CIAO1: variants seen among roughly 807,000 people sequenced by gnomAD.
The protein encoded by CIAO1 is probable cytosolic iron-sulfur protein assembly protein CIAO1.
Under a neutral mutation model 43.1 loss-of-function variants are expected in CIAO1, and 32 were observed. The ratio of observed to expected loss-of-function variants is 0.74; its 90% CI spans 0.56 to 1.00. The LOEUF is 1.00. Ranked by LOEUF, CIAO1 falls within the 50% of genes least tolerant of loss-of-function variation. CIAO1 has a pLI of 0.00. For missense variants in CIAO1, 415 were observed against 437.4 expected (o/e 0.95, Z 0.46); for synonymous variants, 183 against 171.4 (o/e 1.07, Z -0.53).
intron 4 of CIAO1, 89 bp downstream of exon 4, chr2:96,268,013 T>C: frequency 9.3e-7 from 1 of 1,070,694 alleles, no homozygotes; most frequent in Non-Finnish European, 1.4e-6. Flanking sequence ...TTAATCTAGC[T>C]TTTACGGAGA....
chr2:96,266,481 G>T lies in CIAO1; in HGVS notation c.131G>T (p.Gly44Val). ...GGCGACCGGAGAATCCGCATCTGGG[G>T]CACGGAGGGTAAGGCCCAGCCTGGT... ...CGGDRRIRIW[G>V]TEGDSWICKS... The change falls in exon 1 of 7, where the codon GGC becomes GTC. Residue 44 changes from glycine to valine, a missense_variant. Coordinates refer to ENST00000488633, the MANE Select transcript of CIAO1 (RefSeq NM_004804.3). 1 of 1,541,828 alleles carries T rather than the reference G, an allele frequency of 6.5e-7. No individual in the cohort carries two copies. Among genetic ancestry groups the T allele is most frequent in the Non-Finnish European group, 8.8e-7 (1 of 1,137,054 alleles).
chr2:96,269,671 A>G (rs1456221785), intron 6 of CIAO1, among the ~76,000 whole-genome samples: 1 of 151,938 alleles, frequency 6.6e-6, no homozygotes, highest in Non-Finnish European at 1.5e-5. Flanking sequence ...TTTTTGAGAC[A>G]GAGTCTCACT....
Position 96,273,137 on chromosome 2 carries a change from C to T in CIAO1, c.*1786C>T, listed in dbSNP as rs796943971. ...TTGGAATTTCCGAAAATCTGTACTCCACCATGAGCTTTATTGTTGGGGATA... is the reference window on the plus strand; with the variant it reads ...TTGGAATTTCCGAAAATCTGTACTCTACCATGAGCTTTATTGTTGGGGATA... On this transcript the variant is annotated 3_prime_UTR_variant, in exon 7 of 7. Coordinates refer to ENST00000488633, the MANE Select transcript of CIAO1 (RefSeq NM_004804.3). 2.6e-5 allele frequency: 4 copies of T among 152,280 alleles called. No homozygotes were observed. Among genetic ancestry groups the T allele is most frequent in the African/African-American group, 9.6e-5 (4 of 41,560 alleles). 9.4% of individuals were successfully genotyped at this position (152,280 alleles called of 1,614,324 possible).
chr2:96,269,726 C>T (rs1277609206), intron 6 of CIAO1, among the ~76,000 whole-genome samples: 1 of 152,214 alleles, frequency 6.6e-6, no homozygotes, highest in Non-Finnish European at 1.5e-5. Context: ...CATCTCACTG[C>T]AAGCTCCGTC....
intron 1 of CIAO1, 150 bp from the exon 2 acceptor site, chr2:96,267,171 G>A: frequency 4.1e-6 from 1 of 241,528 alleles, no homozygotes; most frequent in South Asian, 7.2e-5. Flanking sequence ...GCTTCCAGAC[G>A]AAGTAGATTC....
intron 4 of CIAO1, 70 bp downstream of exon 4, chr2:96,267,994 T>C: frequency 7.9e-7 from 1 of 1,266,886 alleles, no homozygotes; most frequent in Middle Eastern, 1.9e-4. Flanking sequence ...CTTCCTCTGC[T>C]TTTCAGCCTT....
In CIAO1 at chr2:96,266,306, T is replaced by G; in HGVS notation, c.-45T>G. 1 of 1,355,426 alleles carries G rather than the reference T, an allele frequency of 7.4e-7. No homozygotes were observed. Among genetic ancestry groups the G allele is most frequent in the South Asian group, 1.7e-5 (1 of 59,914 alleles). 84.0% of individuals were successfully genotyped at this position (1,355,426 alleles called of 1,614,324 possible). A position where few individuals can be genotyped will look rare whatever the true frequency, so the allele number is the denominator to read the frequency against. On this transcript the variant is annotated 5_prime_UTR_variant, in exon 1 of 7. Transcript: ENST00000488633. ...GCGCGCGGTGAGACCCGCTGTCTGCTCAGCGGACTCTGCCCGCCCCCACCT... is the reference window on the plus strand; with the variant it reads ...GCGCGCGGTGAGACCCGCTGTCTGCGCAGCGGACTCTGCCCGCCCCCACCT...
intron 6 of CIAO1, among the ~76,000 whole-genome samples, chr2:96,270,074 CAG>C (rs1245140083): frequency 7.2e-5 from 11 of 152,256 alleles, no homozygotes; most frequent in East Asian, 3.9e-4. Context: ...AAATCCAAAA[CAG>C]TGAAAAAAAC....
In CIAO1 at chr2:96,274,076, A is replaced by AAAG; in HGVS notation, c.*2726_*2728dup. Among the ~76,000 whole-genome samples the AAAG allele has an allele frequency of 6.6e-6, 1 of 152,040 alleles. No homozygotes were observed. The highest frequency in any genetic ancestry group is 1.5e-5 in the Non-Finnish European group (1 of 68,022). ...AAAAAAATGTTAACATTATGATTTA[A>AAAG]AAGTGCATTAACCTTAATCTAGATA... On this transcript the variant is annotated 3_prime_UTR_variant, in exon 7 of 7. Coordinates refer to ENST00000488633, the MANE Select transcript of CIAO1 (RefSeq NM_004804.3).
intron 1 of CIAO1, 76 bp downstream of exon 1, chr2:96,266,565 G>A (rs539439227): frequency 3.1e-6 from 4 of 1,292,098 alleles, no homozygotes; most frequent in African/African-American, 3.0e-5. Flanking sequence ...TCAGCCTGCA[G>A]GGGAGGCTGA....
chr2:96,269,418 C>A, intron 6 of CIAO1, 63 bp downstream of exon 6: 1 of 1,464,392 alleles, frequency 6.8e-7, no homozygotes, highest in Non-Finnish European at 9.6e-7. Flanking sequence ...AGAAGGCATA[C>A]CCTATGCAGT....
rs1684552626 is a variant in CIAO1 at position 96,271,662 on chromosome 2, ATG to A, written c.*315_*316del. ...ATCACTATATATAGTAGGAGGGGGTATGTGTCTCAGGCTTTTCTGAAGTTGCA... is the reference window on the plus strand; with the variant it reads ...ATCACTATATATAGTAGGAGGGGGTATGTCTCAGGCTTTTCTGAAGTTGCA... On this transcript the variant is annotated 3_prime_UTR_variant, in exon 7 of 7. Transcript: ENST00000488633. 9.0e-6 allele frequency: 2 copies of A among 221,972 alleles called. No individual in the cohort carries two copies. The highest frequency in any genetic ancestry group is 1.8e-5 in the Non-Finnish European group (2 of 111,664). 13.8% of individuals were successfully genotyped at this position (221,972 alleles called of 1,614,324 possible).
rs1008467906 is a variant in CIAO1 at position 96,272,897 on chromosome 2, A to C, written c.*1546A>C. ...ATAAAGCCCCTCTGCTGTGCACTGA[A>C]GTATGGGTGCCTTGAGGAAAAGCAG... On this transcript the variant is annotated 3_prime_UTR_variant, in exon 7 of 7. Transcript: ENST00000488633. 6.6e-6 allele frequency: 1 copy of C among 152,248 alleles called. No homozygotes were observed. Among genetic ancestry groups the C allele is most frequent in the African/African-American group, 2.4e-5 (1 of 41,460 alleles). 9.4% of individuals were successfully genotyped at this position (152,248 alleles called of 1,614,324 possible).
intron 5 of CIAO1, chr2:96,269,006 G>C (rs1684491866): frequency 1.7e-6 from 1 of 581,930 alleles, no homozygotes; most frequent in Non-Finnish European, 3.1e-6. Flanking sequence ...AAGTGGGTTG[G>C]GTCGGCTGGT....
Position 96,268,787 on chromosome 2 carries a change from G to T in CIAO1, c.691+129G>T, listed in dbSNP as rs1356326700. ...GTGCTACAAGAGGGCTCTGGATAGAGTGCTGGAAGAATCAGGAAAGTTTTG... is the reference window on the plus strand; with the variant it reads ...GTGCTACAAGAGGGCTCTGGATAGATTGCTGGAAGAATCAGGAAAGTTTTG... On this transcript the variant is annotated intron_variant, in intron 5 of 6. Coordinates refer to ENST00000488633, the MANE Select transcript of CIAO1 (RefSeq NM_004804.3). 6 of 871,308 alleles carry T rather than the reference G, an allele frequency of 6.9e-6. No homozygotes were observed. The African/African-American group carries it at 8.4e-5, about 12-fold the overall frequency. The allele number at this position is 871,308 out of a possible 1,614,324, so 54.0% of individuals were successfully genotyped here.
At position 96,272,000 on chromosome 2, in the gene CIAO1, A is replaced by G. The variant is rs1463966854; in HGVS notation, c.*649A>G. The G allele has an allele frequency of 6.6e-6, 1 of 152,326 alleles. No homozygotes were observed. Among genetic ancestry groups the G allele is most frequent in the African/African-American group, 2.4e-5 (1 of 41,448 alleles). 9.4% of individuals were successfully genotyped at this position (152,326 alleles called of 1,614,324 possible). A position where few individuals can be genotyped will look rare whatever the true frequency, so the allele number is the denominator to read the frequency against. ...AAAAGGGAGAGTTATTACTGGCCAC[A>G]AGCCCTGTATTCTCAACAGGGATGC... On this transcript the variant is annotated 3_prime_UTR_variant, in exon 7 of 7. Transcript: ENST00000488633.
rs1010421942 is a variant in CIAO1 at position 96,267,819 on chromosome 2, CTTT to C, written c.401-14_401-12del. On this transcript the variant is annotated splice_polypyrimidine_tract_variant and intron_variant, in intron 3 of 6. Transcript: ENST00000488633. Reference sequence around the variant, plus strand: ...CTGACAGGGTCGGCTCTTGGGTCCCCTTTTTCTCTCCCACAGTTGATGAAGAGG... The same window carrying C: ...CTGACAGGGTCGGCTCTTGGGTCCCCTTCTCTCCCACAGTTGATGAAGAGG... 1.9e-6 allele frequency: 3 copies of C among 1,613,840 alleles called. No homozygotes were observed. The highest frequency in any genetic ancestry group is 2.7e-5 in the African/African-American group (2 of 75,030).
In CIAO1 at chr2:96,269,187, G is replaced by T. The variant is rs564833731; in HGVS notation, c.692-81G>T. 193 of 1,164,596 alleles carry T rather than the reference G, an allele frequency of 1.7e-4. 5 individuals are homozygous for T. The South Asian group carries it at 2.2e-3, about 13-fold the overall frequency. The allele number at this position is 1,164,596 out of a possible 1,614,324, so 72.1% of individuals were successfully genotyped here. On this transcript the variant is annotated intron_variant, in intron 5 of 6. Transcript: ENST00000488633. ...GACTCATAATCAGTTGAAGATGAGG[G>T]TGAGGGAAGGTAAGTTAGGTTCTCC...
At chr2:96,267,134 CAAAAAAAAAAAAAA>C (rs1183454827) in intron 1 of CIAO1, among the ~76,000 whole-genome samples, 173 bp from the exon 2 acceptor site, 7 of 36,804 alleles carry the variant, frequency 1.9e-4, no homozygotes, top group African/African-American at 9.0e-4. Context: ...AACTCCGTCT[CAAAAAAAAAAAAAA>C]AAAAAAAAAA....
Sources: gnomAD v4.1 joint callset for allele counts (sites outside exome capture counted in the v4.1 genomes callset) on GRCh38, gnomAD v4.1.1 for gene constraint, MANE v1.5 for transcripts, NCBI Gene and HGNC (gene_info 2026-07-23, HGNC 2026-07-21) for gene names.